The following ENOX1 variants were observed in gnomAD, a reference collection of about 807,000 sequenced individuals.
ENOX1 encodes candidate growth-related and time keeping constitutive hydroquinone (NADH) oxidase.
A neutral mutation model predicts 82.5 loss-of-function variants in ENOX1; 42 were observed. The ratio of observed to expected loss-of-function variants is 0.51; its 90% CI spans 0.40 to 0.66. The LOEUF is 0.66. Ranked by LOEUF, ENOX1 falls within the 30% of genes least tolerant of loss-of-function variation. ENOX1 has a pLI of 0.00. For missense variants in ENOX1, 608 were observed against 811.6 expected, an observed-to-expected ratio of 0.75 and a Z score of 3.05; for synonymous variants, 271 against 282.2, an observed-to-expected ratio of 0.96 and a Z score of 0.40.
intron 5 of ENOX1, among the ~76,000 whole-genome samples, chr13:43,377,036 C>T (rs527452855): frequency 6.6e-6 from 1 of 152,252 alleles, no homozygotes; most frequent in Admixed American, 6.5e-5. Context: ...CCAATTTTTC[C>T]TTTTGTCCCT....
intron 3 of ENOX1, among the ~76,000 whole-genome samples, chr13:43,419,738 G>A (rs9525772): frequency 0.43 from 65,200 of 152,048 alleles, 14,599 homozygotes; most frequent in South Asian, 0.56. Flanking sequence ...TTGGGAGGCC[G>A]AGGTGGGTGG....
intron 5 of ENOX1, among the ~76,000 whole-genome samples, chr13:43,406,226 G>C (rs1429336671): frequency 6.6e-6 from 1 of 152,178 alleles, no homozygotes; most frequent in Non-Finnish European, 1.5e-5. Context: ...CAGTGAATGG[G>C]AGAGGGTAGT....
chr13:43,663,640 C>A (rs2084837777), intron 2 of ENOX1, among the ~76,000 whole-genome samples: 1 of 152,036 alleles, frequency 6.6e-6, no homozygotes. Context: ...ATGCCCAGAA[C>A]AATTTTTGGC....
At chr13:43,295,352 G>A (rs2046230677) in intron 12 of ENOX1, among the ~76,000 whole-genome samples, 1 of 152,116 alleles carries the variant, frequency 6.6e-6, no homozygotes, top group Non-Finnish European at 1.5e-5. Flanking sequence ...TTATTAAATT[G>A]TGACTCACAT....
intron 8 of ENOX1, among the ~76,000 whole-genome samples, chr13:43,354,469 CTTTT>C (rs560964401): frequency 7.2e-6 from 1 of 139,292 alleles, no homozygotes; most frequent in Non-Finnish European, 1.6e-5. Flanking sequence ...CCGCTGCCAC[CTTTT>C]TTTTTTTTTT....
intron 2 of ENOX1, among the ~76,000 whole-genome samples, chr13:43,526,892 G>A (rs538653217): frequency 2.6e-4 from 40 of 152,094 alleles, no homozygotes; most frequent in Admixed American, 3.9e-4. Context: ...ATGGGATTAC[G>A]GCCCATATGA....
chr13:43,647,142 A>C (rs1290871393), intron 2 of ENOX1, among the ~76,000 whole-genome samples: 1 of 152,138 alleles, frequency 6.6e-6, no homozygotes, highest in Non-Finnish European at 1.5e-5. Flanking sequence ...CACAGTCAAG[A>C]GCTAGATTGC....
At chr13:43,392,248 C>G (rs1044414064) in intron 5 of ENOX1, among the ~76,000 whole-genome samples, 4 of 152,206 alleles carry the variant, frequency 2.6e-5, no homozygotes, top group Non-Finnish European at 2.9e-5. Flanking sequence ...GTTCATCAAT[C>G]AGTTTACTTG....
intron 1 of ENOX1, among the ~76,000 whole-genome samples, chr13:43,737,380 G>C (rs2089684999): frequency 6.6e-6 from 1 of 152,150 alleles, no homozygotes; most frequent in African/African-American, 2.4e-5. Flanking sequence ...AGCAAATGTT[G>C]CTCTGGATCT....
chr13:43,759,639 C>A (rs1418928802), intron 1 of ENOX1, among the ~76,000 whole-genome samples: 2 of 152,178 alleles, frequency 1.3e-5, no homozygotes, highest in South Asian at 2.1e-4. Flanking sequence ...CTAAACTGCA[C>A]ATCAGAATCA....
chr13:43,320,244 C>T (rs1435401911), intron 11 of ENOX1, among the ~76,000 whole-genome samples: 1 of 152,212 alleles, frequency 6.6e-6, no homozygotes, highest in Non-Finnish European at 1.5e-5. Flanking sequence ...TCTGGTCCAT[C>T]TCGTTTTGAA....
chr13:43,282,998 G>A (rs1288346465), intron 12 of ENOX1, among the ~76,000 whole-genome samples: 3 of 151,768 alleles, frequency 2.0e-5, no homozygotes, highest in Non-Finnish European at 2.9e-5. Flanking sequence ...CAGGAGAATC[G>A]CTTGAACCCA....
intron 3 of ENOX1, among the ~76,000 whole-genome samples, chr13:43,443,827 AAAC>A (rs2153625079): frequency 6.6e-6 from 1 of 152,324 alleles, no homozygotes; most frequent in East Asian, 1.9e-4. Context: ...AGTGAAGAAA[AAAC>A]AATTATCCAC....
At chr13:43,617,345 C>T (rs779375819) in intron 2 of ENOX1, among the ~76,000 whole-genome samples, 13 of 152,152 alleles carry the variant, frequency 8.5e-5, no homozygotes, top group African/African-American at 1.7e-4. Context: ...ATGAAAATTG[C>T]GGGATAAAAC....
intron 16 of ENOX1, 81 bp downstream of exon 16, chr13:43,223,972 G>T: frequency 9.4e-7 from 1 of 1,059,370 alleles, no homozygotes; most frequent in Non-Finnish European, 1.4e-6. Context: ...CCCTAGTTCA[G>T]TTCATGCAGA....
intron 2 of ENOX1, among the ~76,000 whole-genome samples, chr13:43,654,386 G>T (rs771806559): frequency 7.2e-5 from 11 of 152,152 alleles, no homozygotes; most frequent in Non-Finnish European, 1.3e-4. Flanking sequence ...CACCGCATTT[G>T]CATTAGCCAA....
At chr13:43,484,477 G>T (rs760198584) in intron 2 of ENOX1, among the ~76,000 whole-genome samples, 3 of 152,142 alleles carry the variant, frequency 2.0e-5, no homozygotes, top group Non-Finnish European at 4.4e-5. Context: ...CCAGATATAA[G>T]GCACTGTGCA....
intron 14 of ENOX1, among the ~76,000 whole-genome samples, chr13:43,262,219 C>G (rs1321416573): frequency 1.3e-5 from 2 of 151,724 alleles, no homozygotes; most frequent in East Asian, 3.9e-4. Flanking sequence ...TTTCCTTACC[C>G]CTATATTCTT....
chr13:43,647,603 A>T (rs1257576652), intron 2 of ENOX1, among the ~76,000 whole-genome samples: 1 of 152,212 alleles, frequency 6.6e-6, no homozygotes, highest in African/African-American at 2.4e-5. Flanking sequence ...TGCAATATAC[A>T]TTCTGGAAGA....
Sources: allele counts gnomAD v4.1 joint callset (sites outside exome capture counted in the v4.1 genomes callset), GRCh38; gene constraint gnomAD v4.1.1; transcripts MANE v1.5; gene names NCBI Gene and HGNC (gene_info 2026-07-23, HGNC 2026-07-21).